Variants in UBE4A observed in about 807,000 individuals in gnomAD.
UBE4A encodes ubiquitination factor E4A, also known as ubiquitin conjugation factor E4 A.
In UBE4A, 48 loss-of-function variants were observed where a neutral mutation model predicts 117.9. That is an observed-to-expected ratio of 0.41 (90% confidence interval 0.32 to 0.52). The LOEUF (loss-of-function observed/expected upper bound fraction) is 0.52. Among genes scored for constraint, UBE4A ranks in the 20% least tolerant of loss-of-function variants. The probability of loss-of-function intolerance (pLI) is 0.33; values close to 1 mark genes in which losing one functional copy is unlikely to be tolerated. For synonymous variants in UBE4A, 407 were observed against 450.0 expected (o/e 0.90, Z 1.21); for missense variants, 1,067 against 1,296.3 (o/e 0.82, Z 2.72).
At chr11:118,369,256 A>AG (rs528839509) in intron 3 of UBE4A, among the ~76,000 whole-genome samples, 167 bp from the exon 4 acceptor site, 5 of 152,270 alleles carry the variant, frequency 3.3e-5, no homozygotes, top group Middle Eastern at 3.4e-3. Context: ...CTGTGACTAG[A>AG]GGGGGAAAAA....
intron 16 of UBE4A, among the ~76,000 whole-genome samples, chr11:118,387,671 G>T (rs1194316376): frequency 1.3e-5 from 2 of 152,174 alleles, no homozygotes; most frequent in Admixed American, 1.3e-4. Flanking sequence ...GAAATTTTAG[G>T]AAATCATGGT....
At chr11:118,364,271 C>T (rs1000258308) in intron 1 of UBE4A, among the ~76,000 whole-genome samples, 1 of 151,988 alleles carries the variant, frequency 6.6e-6, no homozygotes, top group South Asian at 2.1e-4. Context: ...CTACTAAACA[C>T]CTTTGAGGTA....
At chr11:118,373,449 A>G in intron 7 of UBE4A, 45 bp from the exon 8 acceptor site, 2 of 1,581,094 alleles carry the variant, frequency 1.3e-6, no homozygotes, top group Non-Finnish European at 1.7e-6. Flanking sequence ...CCATCACCTT[A>G]TCTCACCATG....
intron 12 of UBE4A, among the ~76,000 whole-genome samples, chr11:118,381,756 T>G (rs1948707388): frequency 6.6e-6 from 1 of 152,224 alleles, no homozygotes; most frequent in African/African-American, 2.4e-5. Flanking sequence ...AAGTATCTTA[T>G]GGGAAGTCCA....
Position 118,373,540 on chromosome 11 carries a change from T to G in UBE4A, c.971T>G (p.Met324Arg). The change falls in exon 8 of 20, where the codon ATG (methionine) becomes AGG (arginine). Residue 324 changes from methionine (M) to arginine (R), a missense_variant. Physicochemically the swap from Met to Arg is moderately conservative, Grantham distance 91 (BLOSUM62 -1). This residue lies in a region of UBE4A where 1,001 missense variants were observed against 1,184.0 expected (regional missense o/e 0.85). Coordinates refer to ENST00000252108, the MANE Select transcript of UBE4A (RefSeq NM_001204077.2). ...IQPKDPTNGQ[M>R]YQKTLLGVIL... is the part of the protein sequence containing the mutation. ...CCCAAGGACCCTACCAATGGGCAAA[T>G]GTACCAGAAGACCTTGCTGGGAGTA... The G allele has an allele frequency of 6.2e-7, 1 of 1,614,152 alleles. No individual in the cohort carries two copies. The highest frequency in any genetic ancestry group is 1.1e-5 in the South Asian group (1 of 91,082).
At chr11:118,393,499 A>G (rs1948838799) in intron 19 of UBE4A, among the ~76,000 whole-genome samples, 1 of 151,986 alleles carries the variant, frequency 6.6e-6, no homozygotes, top group Non-Finnish European at 1.5e-5. Flanking sequence ...GGGTTTCACC[A>G]TGTTGCCCAG....
At chr11:118,385,018 C>T in intron 15 of UBE4A, 73 bp downstream of exon 15, 1 of 1,377,764 alleles carries the variant, frequency 7.3e-7, no homozygotes, top group Non-Finnish European at 1.0e-6. Context: ...TACATTTTAC[C>T]TTTTAATCAT....
intron 10 of UBE4A, among the ~76,000 whole-genome samples, chr11:118,377,974 G>C (rs1049054506): frequency 1.3e-5 from 2 of 150,586 alleles, no homozygotes; most frequent in African/African-American, 4.9e-5. Context: ...TCAGCCGGGC[G>C]CAGTGGCTCA....
At chr11:118,396,078 G>A (rs1176966604) in intron 19 of UBE4A, among the ~76,000 whole-genome samples, 1 of 150,742 alleles carries the variant, frequency 6.6e-6, no homozygotes, top group Admixed American at 6.6e-5. Context: ...CTGGGCGACA[G>A]GGCAAGACTG....
Position 118,379,547 on chromosome 11 carries a change from G to A in UBE4A, c.1673G>A (p.Arg558His), listed in dbSNP as rs145630004. The A allele has an allele frequency of 6.0e-5, 97 of 1,614,186 alleles. No individual in the cohort carries two copies. The highest frequency in any genetic ancestry group is 3.3e-4 in the Middle Eastern group (2 of 6,062). ...TCTAGCCCTGCTGCTGACAATCTTCGTGAGCAGTTTGAACGACTGATGACC... is the reference window on the plus strand; with the variant it reads ...TCTAGCCCTGCTGCTGACAATCTTCATGAGCAGTTTGAACGACTGATGACC... ...QSSSPAADNL[R>H]EQFERLMTIY... Residue 558 changes from arginine (R) to histidine (H), a missense_variant, in exon 11 of 20, where the codon CGT becomes CAT. Transcript: ENST00000252108.
chr11:118,384,169 C>T (rs1948733409), intron 13 of UBE4A, among the ~76,000 whole-genome samples: 1 of 152,114 alleles, frequency 6.6e-6, no homozygotes, highest in South Asian at 2.1e-4. Context: ...CAGTATAAGC[C>T]TCAGATTTTT....
At chr11:118,384,069 A>G (rs1948732216) in intron 13 of UBE4A, among the ~76,000 whole-genome samples, 1 of 152,202 alleles carries the variant, frequency 6.6e-6, no homozygotes, top group Admixed American at 6.5e-5. Context: ...CCAGAATGAA[A>G]ACGTAGGTCT....
At chr11:118,376,183 A>G (rs1436924345) in intron 9 of UBE4A, among the ~76,000 whole-genome samples, 2 of 152,190 alleles carry the variant, frequency 1.3e-5, no homozygotes, top group African/African-American at 4.8e-5. Context: ...GAGAAAATAA[A>G]TGACTCACAG....
At chr11:118,365,014 G>A (rs1400726219) in intron 1 of UBE4A, 26 bp from the exon 2 acceptor site, 4 of 1,535,818 alleles carry the variant, frequency 2.6e-6, no homozygotes, top group East Asian at 2.4e-5. Context: ...CTGCCCTCTT[G>A]TGTCTAATAC....
At position 118,373,159 on chromosome 11, in the gene UBE4A, T is replaced by G; in HGVS notation, c.795T>G (p.Phe265Leu). 6.2e-7 allele frequency: 1 copy of G among 1,614,058 alleles called. No individual in the cohort carries two copies. The highest frequency in any genetic ancestry group is 8.5e-7 in the Non-Finnish European group (1 of 1,180,010). The change falls in exon 7 of 20, where the codon TTT becomes TTG. Residue 265 changes from phenylalanine to leucine, a missense_variant. By Grantham distance (22) the Phe-to-Leu change is conservative (BLOSUM62 0). This residue lies in a region of UBE4A where 1,001 missense variants were observed against 1,184.0 expected (regional missense o/e 0.85). Coordinates refer to ENST00000252108, the MANE Select transcript of UBE4A (RefSeq NM_001204077.2). ...TATTGGATGAGGAAGTTAGAACATT[T>G]CCAGAAGTCATGATTCCAGTGTTTG... The part of the protein sequence containing the change: ...ALILDEEVRT[F>L]PEVMIPVFDI...
At position 118,386,551 on chromosome 11, in the gene UBE4A, G is replaced by A; in HGVS notation, c.2526G>A (p.Leu842=). Residue 842 remains leucine, a synonymous_variant, in exon 16 of 20, where the codon CTG becomes CTA. Transcript: ENST00000252108. ...KEAGLQMFGQ[L]ARFHNIMSNE... ...CTGGCCTACAGATGTTTGGACAGCTGGCACGTTTCCATAACATCATGTCCA... is the reference window on the plus strand; with the variant it reads ...CTGGCCTACAGATGTTTGGACAGCTAGCACGTTTCCATAACATCATGTCCA... The A allele has an allele frequency of 1.2e-6, 2 of 1,603,976 alleles. No individual in the cohort carries two copies. Among genetic ancestry groups the A allele is most frequent in the Non-Finnish European group, 8.5e-7 (1 of 1,176,478 alleles).
intron 1 of UBE4A, among the ~76,000 whole-genome samples, chr11:118,360,250 A>G (rs1464396408): frequency 1.3e-5 from 2 of 152,138 alleles, no homozygotes. Flanking sequence ...TCATGACCTT[A>G]TATTTGATGA....
chr11:118,387,691 A>G (rs1281928356), intron 16 of UBE4A, among the ~76,000 whole-genome samples: 1 of 152,172 alleles, frequency 6.6e-6, no homozygotes, highest in East Asian at 1.9e-4. Flanking sequence ...TAAAAACAAG[A>G]CCCTAAAATA....
At position 118,373,487 on chromosome 11, in the gene UBE4A, C is replaced by T. The variant is rs751252185; in HGVS notation, c.925-7C>T. ...GATGAATAAGCAGAACTTGTCTTCT[C>T]TTACAGGTTTTTGTAGAATACATTC... On this transcript the variant is annotated splice_polypyrimidine_tract_variant and splice_region_variant and intron_variant, in intron 7 of 19. Coordinates refer to ENST00000252108, the MANE Select transcript of UBE4A (RefSeq NM_001204077.2). 1 of 1,608,530 alleles carries T rather than the reference C, an allele frequency of 6.2e-7. No homozygotes were observed. Among genetic ancestry groups the T allele is most frequent in the Admixed American group, 1.7e-5 (1 of 59,084 alleles).
Sources: gnomAD v4.1 joint callset for allele counts (sites outside exome capture counted in the v4.1 genomes callset) on GRCh38, gnomAD v4.1.1 for gene constraint, gnomAD v4.1.1 regional missense constraint, MANE v1.5 for transcripts, NCBI Gene and HGNC (gene_info 2026-07-23, HGNC 2026-07-21) for gene names.